SDCCAG8: variants seen among roughly 807,000 people sequenced by gnomAD.
SDCCAG8 encodes the protein serologically defined colon cancer antigen 8.
In SDCCAG8, 74 loss-of-function variants were observed where a neutral mutation model predicts 101.8. The observed-to-expected ratio is 0.73, with a 90% CI of 0.60 to 0.88. The LOEUF (loss-of-function observed/expected upper bound fraction) is 0.88, where lower values mean the gene tolerates loss of function less well. Ranked by LOEUF, SDCCAG8 falls within the 40% of genes least tolerant of loss-of-function variation. The pLI is 0.00. For missense variants in SDCCAG8, 787 were observed against 822.6 expected (o/e 0.96, Z 0.53); for synonymous variants, 281 against 292.9 (o/e 0.96, Z 0.41).
intron 12 of SDCCAG8, among the ~76,000 whole-genome samples, chr1:243,360,474 C>A (rs1046567416): frequency 6.6e-6 from 1 of 151,950 alleles, no homozygotes; most frequent in Non-Finnish European, 1.5e-5. Flanking sequence ...TTAACTGGGG[C>A]TCCCTGCTTC....
In SDCCAG8 at chr1:243,408,045, T is replaced by A. The variant is rs186707105; in HGVS notation, c.1617-7657T>A. Among the ~76,000 whole-genome samples, 11 of 152,298 alleles carry A rather than the reference T, an allele frequency of 7.2e-5. No homozygotes were observed. The East Asian group carries it at 1.9e-3, about 27-fold the overall frequency. ...TACCAATTTTATTATTGTTTTTGTTTTGTTTTATTTTCAATAATAATAATA... is the reference window on the plus strand; with the variant it reads ...TACCAATTTTATTATTGTTTTTGTTATGTTTTATTTTCAATAATAATAATA... On this transcript the variant is annotated intron_variant, in intron 13 of 17. Transcript: ENST00000366541.
At chr1:243,450,942 AG>A (rs2083310367) in intron 16 of SDCCAG8, among the ~76,000 whole-genome samples, 1 of 152,272 alleles carries the variant, frequency 6.6e-6, no homozygotes, top group African/African-American at 2.4e-5. Context: ...TACAGGCGTT[AG>A]GATTAATATA....
intron 13 of SDCCAG8, among the ~76,000 whole-genome samples, chr1:243,402,052 T>C (rs1461270505): frequency 6.6e-6 from 1 of 152,168 alleles, no homozygotes; most frequent in Non-Finnish European, 1.5e-5. Flanking sequence ...CTCAGACCAG[T>C]GCTGTCCAAT....
chr1:243,269,675 G>A (rs1017062340), intron 1 of SDCCAG8, among the ~76,000 whole-genome samples: 1 of 152,118 alleles, frequency 6.6e-6, no homozygotes, highest in African/African-American at 2.4e-5. Flanking sequence ...GGAACTGGGT[G>A]TGACGCAGTC....
Position 243,404,261 on chromosome 1 carries a change from G to C in SDCCAG8, c.1617-11441G>C, listed in dbSNP as rs114669749. Among the ~76,000 whole-genome samples, 914 of 152,288 alleles carry C rather than the reference G, an allele frequency of 6.0e-3. 16 individuals are homozygous for C. Among genetic ancestry groups the C allele is most frequent in the African/African-American group, 0.02 (835 of 41,564 alleles). On this transcript the variant is annotated intron_variant, in intron 13 of 17. Transcript: ENST00000366541. ...CCTTGTGGAAATTAGTTTGAAGATA[G>C]ATTTAGAAGGCTGGAAGCAGCAGGT...
chr1:243,368,051 A>C (rs952969201), intron 12 of SDCCAG8, among the ~76,000 whole-genome samples: 8 of 151,124 alleles, frequency 5.3e-5, no homozygotes, highest in Non-Finnish European at 7.4e-5. Flanking sequence ...CCGTCTCTAC[A>C]AAAAAAATAC....
chr1:243,393,076 A>G (rs777476237), intron 13 of SDCCAG8, among the ~76,000 whole-genome samples: 2 of 152,246 alleles, frequency 1.3e-5, no homozygotes, highest in Non-Finnish European at 2.9e-5. Context: ...ATCTGTGAGC[A>G]ACAAAACTGA....
At chr1:243,438,965 A>G (rs750821882) in intron 16 of SDCCAG8, among the ~76,000 whole-genome samples, 10 of 152,254 alleles carry the variant, frequency 6.6e-5, no homozygotes, top group Admixed American at 5.9e-4. Flanking sequence ...AGTGACTTCA[A>G]TGAAGATGCT....
chr1:243,339,935 T>G (rs555599295), intron 10 of SDCCAG8, among the ~76,000 whole-genome samples: 7 of 152,306 alleles, frequency 4.6e-5, no homozygotes, highest in African/African-American at 1.7e-4. Context: ...CTTCTACATT[T>G]TAAAAACTGC....
At position 243,458,673 on chromosome 1, in the gene SDCCAG8, C is replaced by T. The variant is rs71652488; in HGVS notation, c.1986-30341C>T. On this transcript the variant is annotated intron_variant, in intron 16 of 17. Transcript: ENST00000366541. The surrounding 1 kb of genome is among the most constrained non-coding windows in gnomAD (Gnocchi z 4.5). ...CCAAACGTGAACCTGGGCAGTGTGG[C>T]TGCCAATTCTGGGAAGAAGGGATGC... 5.8e-3 allele frequency among the ~76,000 whole-genome samples: 882 copies of T among 152,336 alleles called. 6 individuals are homozygous for T. The highest frequency in any genetic ancestry group is 0.01 in the Non-Finnish European group (689 of 68,030).
chr1:243,419,424 T>C (rs1045927908), intron 15 of SDCCAG8, among the ~76,000 whole-genome samples: 3 of 152,218 alleles, frequency 2.0e-5, no homozygotes, highest in African/African-American at 7.2e-5. Context: ...CAAACAAGAT[T>C]GTATCATTTA....
intron 13 of SDCCAG8, among the ~76,000 whole-genome samples, chr1:243,384,245 T>G (rs999152807): frequency 6.6e-6 from 1 of 152,234 alleles, no homozygotes; most frequent in African/African-American, 2.4e-5. Flanking sequence ...CTCATCACTT[T>G]GCAGAGTTGG....
chr1:243,396,695 G>A (rs765830880), intron 13 of SDCCAG8, among the ~76,000 whole-genome samples: 55 of 152,066 alleles, frequency 3.6e-4, no homozygotes, highest in Non-Finnish European at 6.9e-4. Flanking sequence ...TAGACATATA[G>A]TTCATACTCA....
chr1:243,415,781 G>A lies in SDCCAG8; in HGVS notation c.1696G>A (p.Glu566Lys), dbSNP rs1483986069. The change falls in exon 14 of 18, where the codon GAG becomes AAG. Residue 566 changes from glutamate to lysine, a missense_variant. Glu to Lys is a moderately conservative substitution (Grantham distance 56). Coordinates refer to ENST00000366541, the MANE Select transcript of SDCCAG8 (RefSeq NM_006642.5). ...QALQAQQREQELTQKIQQMEA... is the reference protein window; with the variant it reads ...QALQAQQREQKLTQKIQQMEA... ...CCTTCAGGCCCAGCAAAGAGAGCAG[G>A]AGCTGACACAGAAGATACAGCAAAT... 2 of 1,613,756 alleles carry A rather than the reference G, an allele frequency of 1.2e-6. No homozygotes were observed. Among genetic ancestry groups the A allele is most frequent in the African/African-American group, 1.3e-5 (1 of 75,016 alleles).
intron 16 of SDCCAG8, among the ~76,000 whole-genome samples, chr1:243,471,547 G>A (rs1661270057): frequency 1.3e-5 from 2 of 152,170 alleles, no homozygotes; most frequent in South Asian, 2.1e-4. Flanking sequence ...TCCAGGCTCA[G>A]CAGGCCAGCT....
intron 16 of SDCCAG8, among the ~76,000 whole-genome samples, chr1:243,430,413 G>A (rs1204157256): frequency 2.0e-5 from 3 of 152,052 alleles, no homozygotes; most frequent in Non-Finnish European, 2.9e-5. Flanking sequence ...GGACCTAAAG[G>A]CAGGGTCTTT....
intron 10 of SDCCAG8, among the ~76,000 whole-genome samples, chr1:243,333,590 C>T (rs1399672010): frequency 6.6e-6 from 1 of 152,212 alleles, no homozygotes; most frequent in African/African-American, 2.4e-5. Context: ...TGTCACCTCT[C>T]ACTTACTCTT....
At chr1:243,325,265 A>G (rs918605878) in intron 9 of SDCCAG8, among the ~76,000 whole-genome samples, 4 of 152,204 alleles carry the variant, frequency 2.6e-5, no homozygotes, top group African/African-American at 9.6e-5. Flanking sequence ...AAGCAACACT[A>G]TTGTTCATTA....
chr1:243,270,843 C>G, intron 2 of SDCCAG8, 135 bp from the exon 3 acceptor site: 1 of 610,574 alleles, frequency 1.6e-6, no homozygotes. Flanking sequence ...TTATGTTGGT[C>G]TTGTATCCCC....
Sources: gnomAD v4.1 joint callset for allele counts (sites outside exome capture counted in the v4.1 genomes callset) on GRCh38, gnomAD v4.1.1 for gene constraint, Gnocchi (gnomAD v3.1) non-coding constraint, MANE v1.5 for transcripts, NCBI Gene and HGNC (gene_info 2026-07-23, HGNC 2026-07-21) for gene names.